TSHR: variants seen among roughly 807,000 people sequenced by gnomAD.
TSHR encodes the protein thyrotropin receptor.
TSHR carries 51 observed loss-of-function variants against 64.1 expected under a neutral mutation model. The observed-to-expected ratio is 0.80, with a 90% confidence interval of 0.64 to 1.01. The LOEUF is 1.01. Among genes scored for constraint, TSHR ranks in the 50% least tolerant of loss-of-function variants. TSHR has a pLI of 0.00. For synonymous variants in TSHR, 361 were observed against 361.9 expected, an observed-to-expected ratio of 1.00 and a Z score of 0.03; for missense variants, 877 against 942.8, an observed-to-expected ratio of 0.93 and a Z score of 0.91.
At chr14:81,001,522 T>C (rs201119732) in intron 1 of TSHR, 6 of 405,336 alleles carry the variant, frequency 1.5e-5, no homozygotes, top group Non-Finnish European at 2.3e-5. Context: ...TTTATAAACA[T>C]GTGCAGCAAA....
chr14:80,978,471 GC>G (rs1888006007), intron 1 of TSHR, among the ~76,000 whole-genome samples: 1 of 152,218 alleles, frequency 6.6e-6, no homozygotes, highest in African/African-American at 2.4e-5. Flanking sequence ...AAGGGGGAGA[GC>G]CCCAGACTGT....
At chr14:81,140,989 G>T (rs1891661011) in intron 9 of TSHR, among the ~76,000 whole-genome samples, 2 of 152,198 alleles carry the variant, frequency 1.3e-5, no homozygotes, top group Admixed American at 1.3e-4. Flanking sequence ...AGCCAGATGT[G>T]GTGGTGGGTT....
intron 3 of TSHR, among the ~76,000 whole-genome samples, chr14:81,075,602 G>A (rs952423978): frequency 1.6e-4 from 24 of 150,196 alleles, no homozygotes; most frequent in African/African-American, 4.9e-5. Context: ...CCACTAACTC[G>A]TCATCTAGCA....
At chr14:81,091,362 CAGTGG>C (rs1162471041) in intron 5 of TSHR, among the ~76,000 whole-genome samples, 2 of 152,158 alleles carry the variant, frequency 1.3e-5, no homozygotes, top group Non-Finnish European at 2.9e-5. Context: ...AGAACAGTTC[CAGTGG>C]AGTGCTGGTT....
chr14:81,125,318 A>C (rs1890974282), intron 8 of TSHR, among the ~76,000 whole-genome samples: 1 of 152,208 alleles, frequency 6.6e-6, no homozygotes, highest in Non-Finnish European at 1.5e-5. Flanking sequence ...AGAGGAAAAA[A>C]AATTACATAA....
At chr14:81,059,064 G>T (rs1174326875) in intron 1 of TSHR, among the ~76,000 whole-genome samples, 1 of 152,086 alleles carries the variant, frequency 6.6e-6, no homozygotes, top group African/African-American at 2.4e-5. Context: ...CGGAGCACAT[G>T]TGTCTGGGGG....
chr14:80,966,580 C>CA lies in TSHR; in HGVS notation c.170+10741dup, dbSNP rs568526572. On this transcript the variant is annotated intron_variant, in intron 1 of 9. Transcript: ENST00000298171. ...TTTACATCATAACAGGAGAAAATAG[C>CA]AAAAAAAAAAATAAAAATTTAAAAA... 7.8e-3 allele frequency among the ~76,000 whole-genome samples: 1,005 copies of CA among 128,500 alleles called. 10 individuals are homozygous for CA. The highest frequency in any genetic ancestry group is 0.016 in the South Asian group (63 of 4,014). The allele number at this position is 128,500 out of a possible 152,430, so 84.3% of individuals were successfully genotyped here.
intron 8 of TSHR, among the ~76,000 whole-genome samples, chr14:81,118,843 G>A (rs1233541508): frequency 6.6e-6 from 1 of 150,456 alleles, no homozygotes; most frequent in Non-Finnish European, 1.5e-5. Context: ...TAGATCAATG[G>A]AACAGAACAG....
intron 1 of TSHR, among the ~76,000 whole-genome samples, chr14:81,007,853 T>G (rs1323244012): frequency 2.0e-5 from 3 of 152,226 alleles, no homozygotes; most frequent in African/African-American, 4.8e-5. Flanking sequence ...CAGGATCACT[T>G]AGGTTCAAAC....
rs73351678 is a variant in TSHR at position 81,068,365 on chromosome 14, A to T, written c.317+37A>T. 5.5e-3 allele frequency: 8,851 copies of T among 1,595,570 alleles called. 371 individuals are homozygous for T. The African/African-American group carries it at 0.099, about 18-fold the overall frequency. On this transcript the variant is annotated intron_variant, in intron 3 of 9. Transcript: ENST00000298171. ...GAAAAGTGCAGCATAGACCTAAGCC[A>T]CAACCACTCTTGACTGATAATCTTG...
At chr14:80,983,939 G>A (rs1367422998) in intron 1 of TSHR, among the ~76,000 whole-genome samples, 1 of 152,140 alleles carries the variant, frequency 6.6e-6, no homozygotes, top group Non-Finnish European at 1.5e-5. Context: ...TTGTTCATTA[G>A]TATCTCCTTA....
intron 1 of TSHR, chr14:81,033,203 C>A (rs1186720488): frequency 2.2e-5 from 10 of 453,586 alleles, no homozygotes. Context: ...GATATCTCAT[C>A]CACAAAAATC....
intron 1 of TSHR, among the ~76,000 whole-genome samples, chr14:80,980,256 C>T (rs902921491): frequency 2.0e-5 from 3 of 152,052 alleles, no homozygotes; most frequent in Non-Finnish European, 4.4e-5. Context: ...CTATAATTAA[C>T]CCTTTTCCAT....
chr14:81,144,512 T>G lies in TSHR; in HGVS notation c.*159T>G. On this transcript the variant is annotated 3_prime_UTR_variant, in exon 10 of 10. Transcript: ENST00000298171. ...GGGGCAAGAGTTTATCTCTGGAGAGTGATTAGTATTAACCTAATCATTGCC... is the reference window on the plus strand; with the variant it reads ...GGGGCAAGAGTTTATCTCTGGAGAGGGATTAGTATTAACCTAATCATTGCC... 1.3e-6 allele frequency: 1 copy of G among 766,076 alleles called. No individual in the cohort carries two copies. Among genetic ancestry groups the G allele is most frequent in the East Asian group, 2.7e-5 (1 of 37,534 alleles). The allele number at this position is 766,076 out of a possible 1,614,324, so 47.5% of individuals were successfully genotyped here. A position where few individuals can be genotyped will look rare whatever the true frequency, so the allele number is the denominator to read the frequency against.
chr14:80,962,446 T>A (rs1887085648), intron 1 of TSHR, among the ~76,000 whole-genome samples: 1 of 152,226 alleles, frequency 6.6e-6, no homozygotes, highest in African/African-American at 2.4e-5. Context: ...TGGCTCTTCC[T>A]AGGGGCTGGT....
intron 1 of TSHR, chr14:81,050,262 G>A (rs1885363282): frequency 6.6e-6 from 1 of 152,188 alleles, no homozygotes; most frequent in Non-Finnish European, 1.5e-5. Context: ...ATGTCCAGGA[G>A]AAAGGAAAGT....
At chr14:81,071,495 A>G (rs1383404992) in intron 3 of TSHR, among the ~76,000 whole-genome samples, 2 of 152,036 alleles carry the variant, frequency 1.3e-5, no homozygotes, top group Admixed American at 1.3e-4. Flanking sequence ...TTCTTTTGGG[A>G]CATCTTCATC....
intron 1 of TSHR, among the ~76,000 whole-genome samples, chr14:81,031,027 A>T (rs1386606678): frequency 6.6e-6 from 1 of 152,204 alleles, no homozygotes; most frequent in Admixed American, 6.5e-5. Flanking sequence ...GGGAACTAGC[A>T]TGCTCTGACT....
At chr14:81,054,086 T>G (rs535762909) in intron 1 of TSHR, among the ~76,000 whole-genome samples, 40 of 152,330 alleles carry the variant, frequency 2.6e-4, no homozygotes, top group African/African-American at 9.4e-4. Flanking sequence ...TTCCCACATG[T>G]TGTGGGAGGG....
Sources: allele counts gnomAD v4.1 joint callset (sites outside exome capture counted in the v4.1 genomes callset), GRCh38; gene constraint gnomAD v4.1.1; transcripts MANE v1.5; gene names NCBI Gene and HGNC (gene_info 2026-07-23, HGNC 2026-07-21).